The following EPB41L4A variants were observed in gnomAD, a reference collection of about 807,000 sequenced individuals.
EPB41L4A encodes the protein erythrocyte membrane protein band 4.1 like 4A.
In EPB41L4A, 100 loss-of-function variants were observed where a neutral mutation model predicts 108.6. That is an observed-to-expected ratio of 0.92 (90% confidence interval 0.78 to 1.09). The LOEUF is 1.09. Among genes scored for constraint, EPB41L4A ranks in the 50% least tolerant of loss-of-function variants. The pLI, the probability that EPB41L4A is intolerant of heterozygous loss-of-function variation, is 0.00. For synonymous variants in EPB41L4A, 319 were observed against 289.0 expected, an observed-to-expected ratio of 1.10 and a Z score of -1.05; for missense variants, 1,030 against 842.7, an observed-to-expected ratio of 1.22 and a Z score of -2.75.
intron 1 of EPB41L4A, among the ~76,000 whole-genome samples, chr5:112,367,176 T>C (rs537632318): frequency 6.6e-6 from 1 of 152,326 alleles, no homozygotes; most frequent in East Asian, 1.9e-4. Context: ...CTCTCAGCTC[T>C]GCCCCTAGAG....
rs1213328498 is a variant in EPB41L4A, at chr5:112,314,528, AAAAAAAAAAAG to A, written c.100-7049_100-7039del. 6.9e-4 allele frequency among the ~76,000 whole-genome samples: 92 copies of A among 132,484 alleles called. No individual in the cohort carries two copies. The Middle Eastern group carries it at 0.011, about 16-fold the overall frequency. 86.9% of individuals were successfully genotyped at this position (132,484 alleles called of 152,430 possible). On this transcript the variant is annotated intron_variant, in intron 1 of 22. Transcript: ENST00000261486. ...ACTAAAAAAAAAAAAAAAAAAAAAAAAAAAAAAAAAGAAAAGAAATTAGCCAAGCATGATGG... is the reference window on the plus strand; with the variant it reads ...ACTAAAAAAAAAAAAAAAAAAAAAAAAAAAGAAATTAGCCAAGCATGATGG...
intron 4 of EPB41L4A, among the ~76,000 whole-genome samples, chr5:112,268,842 C>CAAAAAAAAAAA: frequency 1.8e-5 from 1 of 55,916 alleles, no homozygotes; most frequent in Non-Finnish European, 3.0e-5. Flanking sequence ...GACCTTCTCT[C>CAAAAAAAAAAA]AAAAAAAAAA....
chr5:112,367,836 C>G (rs560613437), intron 1 of EPB41L4A, among the ~76,000 whole-genome samples: 1 of 148,770 alleles, frequency 6.7e-6, no homozygotes, highest in East Asian at 1.9e-4. Context: ...GCTGAACAAA[C>G]TGAACTCAGT....
At position 112,265,027 on chromosome 5, in the gene EPB41L4A, A is replaced by G. The variant is rs554177508; in HGVS notation, c.434-11T>C. On this transcript the variant is annotated splice_polypyrimidine_tract_variant and intron_variant, in intron 5 of 22. Coordinates refer to ENST00000261486, the MANE Select transcript of EPB41L4A (RefSeq NM_022140.5). ...AATCTCCAAGCTCCGCTAAAAAAGAAAGATAACATAGTTTTTTCCATTTTA... is the reference window on the plus strand; with the variant it reads ...AATCTCCAAGCTCCGCTAAAAAAGAGAGATAACATAGTTTTTTCCATTTTA... The G allele has an allele frequency of 7.7e-6, 12 of 1,549,812 alleles. No individual in the cohort carries two copies. The African/African-American group carries it at 1.7e-4, about 21-fold the overall frequency.
At chr5:112,200,282 C>T (rs1442610312) in intron 15 of EPB41L4A, among the ~76,000 whole-genome samples, 1 of 152,194 alleles carries the variant, frequency 6.6e-6, no homozygotes, top group Non-Finnish European at 1.5e-5. Flanking sequence ...CCTCAGGAAA[C>T]TAACCCCAAC....
intron 2 of EPB41L4A, among the ~76,000 whole-genome samples, chr5:112,301,218 A>G (rs975916507): frequency 2.6e-5 from 4 of 152,200 alleles, no homozygotes; most frequent in Middle Eastern, 6.8e-3. Flanking sequence ...GTGGTGTTGA[A>G]GAACATTCTT....
chr5:112,161,291 T>A (rs1759884327), downstream of EPB41L4A: 3 of 349,896 alleles, frequency 8.6e-6, no homozygotes, highest in South Asian at 6.5e-5. Context: ...TCACCTACCC[T>A]ACAGGTGAGT....
At chr5:112,241,941 A>G (rs1293279998) in intron 9 of EPB41L4A, among the ~76,000 whole-genome samples, 2 of 152,220 alleles carry the variant, frequency 1.3e-5, no homozygotes, top group East Asian at 3.8e-4. Context: ...TCTTAAAAAA[A>G]CATATATACT....
chr5:112,289,013 A>G (rs921160796), intron 2 of EPB41L4A, among the ~76,000 whole-genome samples: 1 of 152,156 alleles, frequency 6.6e-6, no homozygotes, highest in Non-Finnish European at 1.5e-5. Flanking sequence ...AAGAATATAA[A>G]TAATTTTTGG....
intron 1 of EPB41L4A, among the ~76,000 whole-genome samples, chr5:112,310,772 C>A (rs1363638678): frequency 6.6e-6 from 1 of 152,074 alleles, no homozygotes; most frequent in East Asian, 1.9e-4. Flanking sequence ...AATGTGCAAA[C>A]AATCCCCCTA....
intron 1 of EPB41L4A, among the ~76,000 whole-genome samples, chr5:112,345,570 C>T (rs1580727236): frequency 6.6e-6 from 1 of 152,058 alleles, no homozygotes; most frequent in East Asian, 1.9e-4. Context: ...TACTGGATTG[C>T]AATATATTAT....
chr5:112,401,605 T>C (rs1004511821), intron 1 of EPB41L4A, among the ~76,000 whole-genome samples: 1 of 152,232 alleles, frequency 6.6e-6, no homozygotes, highest in African/African-American at 2.4e-5. Flanking sequence ...AATCTACTGG[T>C]AAGTATTATA....
chr5:112,322,749 A>C (rs1221442709), intron 1 of EPB41L4A, among the ~76,000 whole-genome samples: 1 of 151,772 alleles, frequency 6.6e-6, no homozygotes, highest in African/African-American at 2.4e-5. Context: ...CCCCACACAC[A>C]CACACCTGTC....
chr5:112,323,888 C>T (rs890971519), intron 1 of EPB41L4A, among the ~76,000 whole-genome samples: 1 of 152,202 alleles, frequency 6.6e-6, no homozygotes, highest in African/African-American at 2.4e-5. Context: ...TTAGATTTCT[C>T]AAATGCAACA....
intron 18 of EPB41L4A, among the ~76,000 whole-genome samples, chr5:112,176,284 T>A (rs1760857060): frequency 6.6e-6 from 1 of 152,176 alleles, no homozygotes; most frequent in Non-Finnish European, 1.5e-5. Flanking sequence ...TAATTGTCAA[T>A]CAATCTCAGG....
chr5:112,249,833 T>C (rs1328870099), intron 9 of EPB41L4A, among the ~76,000 whole-genome samples: 2 of 152,176 alleles, frequency 1.3e-5, no homozygotes, highest in Non-Finnish European at 2.9e-5. Flanking sequence ...TGGGAAACAC[T>C]GGGCTAAACA....
chr5:112,244,103 C>T (rs1461010410), intron 9 of EPB41L4A, among the ~76,000 whole-genome samples: 2 of 152,278 alleles, frequency 1.3e-5, no homozygotes, highest in South Asian at 4.1e-4. Flanking sequence ...CACAGATGCA[C>T]AACTATTCCT....
chr5:112,231,352 G>A (rs1748907804), intron 12 of EPB41L4A, among the ~76,000 whole-genome samples: 1 of 152,208 alleles, frequency 6.6e-6, no homozygotes, highest in Non-Finnish European at 1.5e-5. Context: ...GTATAATACA[G>A]TGCTACTACA....
chr5:112,223,290 CA>C (rs1268758821), intron 12 of EPB41L4A, among the ~76,000 whole-genome samples: 14 of 151,928 alleles, frequency 9.2e-5, no homozygotes, highest in African/African-American at 3.4e-4. Flanking sequence ...TATAACCTAC[CA>C]AAATAACCCT....
Sources: allele counts gnomAD v4.1 joint callset (sites outside exome capture counted in the v4.1 genomes callset), GRCh38; gene constraint gnomAD v4.1.1; transcripts MANE v1.5; gene names NCBI Gene and HGNC (gene_info 2026-07-23, HGNC 2026-07-21).